Variants in SUN1 observed in about 807,000 individuals in gnomAD.
SUN1 encodes the protein SUN domain-containing protein 1.
A neutral mutation model predicts 103.2 loss-of-function variants in SUN1; 61 were observed. The ratio of observed to expected loss-of-function variants is 0.59; its 90% CI spans 0.48 to 0.73. The LOEUF is 0.73. Ranked by LOEUF, SUN1 falls within the 30% of genes least tolerant of loss-of-function variation. The probability of loss-of-function intolerance (pLI) is 0.00; values close to 1 mark genes in which losing one functional copy is unlikely to be tolerated. For synonymous variants in SUN1, 490 were observed against 425.7 expected (o/e 1.15, Z -1.86); for missense variants, 1,052 against 1,034.6 (o/e 1.02, Z -0.23).
intron 5 of SUN1, among the ~76,000 whole-genome samples, chr7:845,422 A>G (rs1814554975): frequency 6.6e-6 from 1 of 152,188 alleles, no homozygotes. Flanking sequence ...AAAGGCCAGG[A>G]CTTGTGCGGC....
intron 1 of SUN1, among the ~76,000 whole-genome samples, chr7:821,877 G>GC (rs1786410632): frequency 1.3e-5 from 2 of 152,216 alleles, no homozygotes; most frequent in Admixed American, 1.3e-4. Flanking sequence ...TAGGCAGTAG[G>GC]CCCAGTGTCG....
intron 1 of SUN1, among the ~76,000 whole-genome samples, chr7:822,656 A>G (rs1481087496): frequency 1.3e-5 from 2 of 152,198 alleles, no homozygotes; most frequent in Non-Finnish European, 2.9e-5. Context: ...TGAGCCTGGT[A>G]CTTGGTGCTG....
At chr7:821,233 G>A (rs953267428) in intron 1 of SUN1, among the ~76,000 whole-genome samples, 1 of 138,792 alleles carries the variant, frequency 7.2e-6, no homozygotes, top group Non-Finnish European at 1.5e-5. Flanking sequence ...GCAGTGGAGC[G>A]ATCTCGGCTC....
In SUN1 at chr7:849,705, TG is replaced by T. The variant is rs769305128; in HGVS notation, c.659-1677del. The T allele has an allele frequency of 3.8e-6, 5 of 1,325,668 alleles. No individual in the cohort carries two copies. In the South Asian group the frequency reaches 5.9e-5, roughly 16 times the overall value. The allele number at this position is 1,325,668 out of a possible 1,614,324, so 82.1% of individuals were successfully genotyped here. On this transcript the variant is annotated intron_variant, in intron 5 of 18. Coordinates refer to ENST00000401592, the MANE Select transcript of SUN1 (RefSeq NM_001130965.3). ...TAGAGAATGAACGGCCCGTGTGACA[TG>T]GTGGTCCTCACTGATGACGACGGGC... is the stretch of plus-strand genomic sequence containing the variant.
chr7:844,806 G>A (rs1813674374), intron 5 of SUN1, among the ~76,000 whole-genome samples: 1 of 152,246 alleles, frequency 6.6e-6, no homozygotes, highest in Admixed American at 6.5e-5. Context: ...AGCCAGCTCA[G>A]GAGGCTCGCA....
At chr7:855,124 G>A in intron 11 of SUN1, 118 bp downstream of exon 11, 1 of 782,194 alleles carries the variant, frequency 1.3e-6, no homozygotes, top group Non-Finnish European at 2.0e-6. Context: ...TGTTTGTTTT[G>A]TGTAAAATGG....
At chr7:846,398 T>C (rs974212130) in intron 5 of SUN1, among the ~76,000 whole-genome samples, 2 of 151,798 alleles carry the variant, frequency 1.3e-5, no homozygotes, top group Non-Finnish European at 2.9e-5. Flanking sequence ...TGAGTCACCA[T>C]GCCCAGCCCA....
intron 5 of SUN1, among the ~76,000 whole-genome samples, chr7:845,077 A>G (rs1814079999): frequency 6.6e-6 from 1 of 152,222 alleles, no homozygotes; most frequent in Non-Finnish European, 1.5e-5. Context: ...ATGGCAGAAT[A>G]AGGAGGTTCA....
chr7:832,158 T>C (rs1280532038), upstream of SUN1: 3 of 899,688 alleles, frequency 3.3e-6, no homozygotes, highest in Non-Finnish European at 4.1e-6. Flanking sequence ...GAGAACATTT[T>C]GACACAGTGA....
intron 15 of SUN1, 52 bp from the exon 16 acceptor site, chr7:865,900 C>T (rs1190889446): frequency 1.8e-5 from 27 of 1,489,572 alleles, no homozygotes; most frequent in Non-Finnish European, 2.2e-5. Context: ...AGTACTATTG[C>T]TTCCAAAATG....
chr7:850,120 T>A (rs1820503071), intron 5 of SUN1: 2 of 1,251,872 alleles, frequency 1.6e-6, no homozygotes, highest in South Asian at 2.7e-5. Context: ...ATTCAAGTGC[T>A]TTAAAGTCTT....
In SUN1 at chr7:852,026, T is replaced by C. The variant is rs745511294; in HGVS notation, c.834T>C (p.Asn278=). ...TTGTTACTTTGATTTCTTGGCTGAA[T>C]GTGTTTCTTCTTACCAGGTAAGGAA... is the stretch of plus-strand genomic sequence containing the variant. ...YQFVTLISWL[N]VFLLTRCLRN... Residue 278 remains asparagine (N), a synonymous_variant, in exon 7 of 19, where the codon AAT becomes AAC. Transcript: ENST00000401592. The C allele has an allele frequency of 1.2e-6, 2 of 1,614,168 alleles. No homozygotes were observed. The highest frequency in any genetic ancestry group is 1.1e-5 in the South Asian group (1 of 91,088).
chr7:826,913 A>G (rs1393952493), intron 1 of SUN1, among the ~76,000 whole-genome samples: 1 of 152,216 alleles, frequency 6.6e-6, no homozygotes, highest in African/African-American at 2.4e-5. Flanking sequence ...GCTGAAGGGA[A>G]GTGCTGCCTG....
At chr7:854,037 G>A (rs1308119041) in intron 10 of SUN1, among the ~76,000 whole-genome samples, 3 of 152,202 alleles carry the variant, frequency 2.0e-5, no homozygotes, top group Non-Finnish European at 2.9e-5. Flanking sequence ...GGCAGCCTGA[G>A]ATGCTCCCAC....
At chr7:859,801 C>G (rs2128457134) in intron 13 of SUN1, among the ~76,000 whole-genome samples, 1 of 152,318 alleles carries the variant, frequency 6.6e-6, no homozygotes, top group East Asian at 1.9e-4. Context: ...TCCGATGCAC[C>G]TGTGCGCCTC....
intron 17 of SUN1, 138 bp from the exon 18 acceptor site, chr7:872,332 C>T (rs1335565441): frequency 1.4e-6 from 1 of 692,392 alleles, no homozygotes; most frequent in Non-Finnish European, 2.5e-6. Flanking sequence ...TCGTGACTGC[C>T]ATGGAGGAAT....
At position 860,316 on chromosome 7, in the gene SUN1, G is replaced by T; in HGVS notation, c.1713G>T (p.Gln571His). The T allele has an allele frequency of 6.2e-7, 1 of 1,614,258 alleles. No individual in the cohort carries two copies. The highest frequency in any genetic ancestry group is 8.5e-7 in the Non-Finnish European group (1 of 1,180,054). ...CCCACCACGTTTCCGTGACCAAGCA[G>T]CTCCCAACCTCAGAAGCCGTGGTGT... Reference protein sequence around the residue: ...NVTHHVSVTKQLPTSEAVVSA... With the variant: ...NVTHHVSVTKHLPTSEAVVSA... Residue 571 changes from glutamine to histidine, a missense_variant, in exon 14 of 19, where the codon CAG becomes CAT. By Grantham distance (24) the Gln-to-His change is conservative. Around this residue, in one of 2 missense-constraint regions of SUN1, gnomAD observed 846 missense variants for 774.5 expected, o/e 1.09. Coordinates refer to ENST00000401592, the MANE Select transcript of SUN1 (RefSeq NM_001130965.3).
intron 1 of SUN1, among the ~76,000 whole-genome samples, chr7:824,825 G>C (rs1583896631): frequency 1.3e-5 from 2 of 152,146 alleles, no homozygotes; most frequent in East Asian, 3.9e-4. Flanking sequence ...CTGCTGATGG[G>C]GTGTGCTGGG....
intron 5 of SUN1, among the ~76,000 whole-genome samples, chr7:845,586 G>A (rs1006420933): frequency 2.0e-5 from 3 of 151,012 alleles, no homozygotes; most frequent in Non-Finnish European, 2.9e-5. Flanking sequence ...CATACTTATA[G>A]TCAGATTGCA....
Sources: gnomAD v4.1 joint callset for allele counts (sites outside exome capture counted in the v4.1 genomes callset) on GRCh38, gnomAD v4.1.1 for gene constraint, gnomAD v4.1.1 regional missense constraint, MANE v1.5 for transcripts, NCBI Gene and HGNC (gene_info 2026-07-23, HGNC 2026-07-21) for gene names.